The following ZNF540 variants were observed in gnomAD, a reference collection of about 807,000 sequenced individuals.
ZNF540 encodes the protein CTD-3064H18.6.
In ZNF540, 3 loss-of-function variants were observed where a neutral mutation model predicts 11.8. The observed-to-expected ratio is 0.25, with a 90% CI of 0.12 to 0.65. The LOEUF is 0.65. Among genes scored for constraint, ZNF540 ranks in the 30% least tolerant of loss-of-function variants. The pLI is 0.83. For missense variants in ZNF540, 709 were observed against 793.1 expected (o/e 0.89, Z 1.27); for synonymous variants, 247 against 259.0 (o/e 0.95, Z 0.45).
chr19:37,562,079 A>G (rs1447717503), intron 1 of ZNF540, among the ~76,000 whole-genome samples: 1 of 152,198 alleles, frequency 6.6e-6, no homozygotes, highest in Non-Finnish European at 1.5e-5. Context: ...AGTGGGCTGC[A>G]ATGTTCATTA....
In ZNF540 at chr19:37,564,999, T is replaced by C. The variant is rs2042797781; in HGVS notation, c.-73+13334T>C. 5 of 1,613,940 alleles carry C rather than the reference T, an allele frequency of 3.1e-6. No homozygotes were observed. The East Asian group carries it at 8.9e-5, about 29-fold the overall frequency. On this transcript the variant is annotated intron_variant, in intron 1 of 4. Transcript: ENST00000592533. ...CGTACAAAGGTCTTCCCACATTCCTTACATTCATAATGTTTCTCACCATGA... is the reference window on the plus strand; with the variant it reads ...CGTACAAAGGTCTTCCCACATTCCTCACATTCATAATGTTTCTCACCATGA...
Position 37,552,441 on chromosome 19 carries a change from A to T in ZNF540, c.-73+776A>T, listed in dbSNP as rs138056369. Among the ~76,000 whole-genome samples, 53 of 152,288 alleles carry T rather than the reference A, an allele frequency of 3.5e-4. 1 individual carries two copies. The East Asian group carries it at 8.3e-3, about 24-fold the overall frequency. On this transcript the variant is annotated intron_variant, in intron 1 of 4. Transcript: ENST00000592533. ...TTTATAGATTTTCTATATACTTTTA[A>T]AAGTTAATGAGAGAACAGTATTAAA...
At chr19:37,566,565 A>G (rs1267074182) in intron 1 of ZNF540, 8 of 296,088 alleles carry the variant, frequency 2.7e-5, no homozygotes, top group Non-Finnish European at 4.4e-5. Context: ...ATAAAATAGT[A>G]ATAAAAACAC....
At chr19:37,564,817 C>G (rs1010538034) in intron 1 of ZNF540, 3 of 1,613,822 alleles carry the variant, frequency 1.9e-6, no homozygotes, top group Non-Finnish European at 2.5e-6. Context: ...GAATAAAAGC[C>G]TTCCCACACT....
upstream of ZNF540, chr19:37,594,062 C>T (rs1486024861): frequency 1.3e-5 from 2 of 152,158 alleles, no homozygotes; most frequent in Middle Eastern, 6.8e-3. Context: ...TCGGAGCAGA[C>T]GAAACAATTT....
chr19:37,597,243 T>C (rs1317466710), intron 1 of ZNF540, among the ~76,000 whole-genome samples: 4 of 151,744 alleles, frequency 2.6e-5, no homozygotes, highest in Non-Finnish European at 5.9e-5. Flanking sequence ...GGAGGGTGAA[T>C]GATGTCCTGC....
chr19:37,594,183 C>A (rs1439231723), upstream of ZNF540: 1 of 152,264 alleles, frequency 6.6e-6, no homozygotes, highest in African/African-American at 2.4e-5. Context: ...AGGGGTAAAG[C>A]CTCACCATCA....
rs769334963 is a variant in ZNF540 at position 37,612,116 on chromosome 19, G to T, written c.836G>T (p.Gly279Val). The part of the protein sequence containing the change: ...KPYMCKKCDK[G>V]FFSRLELTQH... ...TATATGTGTAAGAAATGTGATAAGG[G>T]TTTTTTTAGTAGATTAGAACTTACT... Residue 279 changes from glycine to valine, a missense_variant, in exon 5 of 5, where the codon GGT becomes GTT. Transcript: ENST00000316433. 1.6e-5 allele frequency: 26 copies of T among 1,611,488 alleles called. No homozygotes were observed. In the South Asian group the frequency reaches 2.6e-4, roughly 16 times the overall value.
intron 1 of ZNF540, among the ~76,000 whole-genome samples, chr19:37,570,816 T>TAAAAACAAAGG (rs1246730642): frequency 1.3e-5 from 2 of 152,230 alleles, no homozygotes; most frequent in Admixed American, 1.3e-4. Context: ...GCATTCATAG[T>TAAAAACAAAGG]AAAAACAAAG....
At chr19:37,584,289 A>AC (rs1373260705) in intron 1 of ZNF540, 3 of 621,718 alleles carry the variant, frequency 4.8e-6, no homozygotes, top group Non-Finnish European at 7.9e-6. Context: ...GTACAATAGA[A>AC]CAATTCCATT....
At chr19:37,562,427 A>G (rs899515016) in intron 1 of ZNF540, 9 of 152,152 alleles carry the variant, frequency 5.9e-5, no homozygotes, top group Middle Eastern at 3.2e-3. Context: ...AAGACAAGAG[A>G]TAACACTGCA....
chr19:37,559,022 T>G (rs1555713776), intron 1 of ZNF540, among the ~76,000 whole-genome samples: 1 of 152,160 alleles, frequency 6.6e-6, no homozygotes, highest in Non-Finnish European at 1.5e-5. Flanking sequence ...TTTTGTATTG[T>G]TTATAGAAAT....
At chr19:37,579,596 C>G (rs2043375179) in intron 1 of ZNF540, among the ~76,000 whole-genome samples, 1 of 152,144 alleles carries the variant, frequency 6.6e-6, no homozygotes, top group Non-Finnish European at 1.5e-5. Flanking sequence ...TTAAGATGGC[C>G]TGATCTAGTA....
At chr19:37,563,636 AAT>A (rs1444421562) in intron 1 of ZNF540, 1 of 151,304 alleles carries the variant, frequency 6.6e-6, no homozygotes, top group African/African-American at 2.4e-5. Context: ...ACATATGTGG[AAT>A]ATATACACAC....
chr19:37,556,894 G>A (rs757957913), intron 1 of ZNF540, among the ~76,000 whole-genome samples: 2 of 152,142 alleles, frequency 1.3e-5, no homozygotes, highest in African/African-American at 2.4e-5. Context: ...TGGTTCATGC[G>A]TTCTACCTGC....
Position 37,612,310 on chromosome 19 carries a change from C to T in ZNF540, c.1030C>T (p.Arg344Cys), listed in dbSNP as rs755842916. ...KAFSVCGQLT[R>C]HQKIHTGVKP... Reference sequence around the variant, plus strand: ...TTTTAGTGTATGCGGACAACTTACCCGTCATCAGAAAATTCATACTGGTGT... The same window carrying T: ...TTTTAGTGTATGCGGACAACTTACCTGTCATCAGAAAATTCATACTGGTGT... Residue 344 changes from arginine (R) to cysteine (C), a missense_variant, in exon 5 of 5, where the codon CGT becomes TGT. By Grantham distance (180) the Arg-to-Cys change is radical. Transcript: ENST00000316433. The T allele has an allele frequency of 1.4e-5, 22 of 1,613,780 alleles. No individual in the cohort carries two copies. Among genetic ancestry groups the T allele is most frequent in the Admixed American group, 1.7e-5 (1 of 59,984 alleles).
At chr19:37,582,337 C>A (rs961735406) in intron 1 of ZNF540, among the ~76,000 whole-genome samples, 6 of 152,210 alleles carry the variant, frequency 3.9e-5, no homozygotes, top group African/African-American at 1.4e-4. Flanking sequence ...CATTATCTCT[C>A]TCAGCTAACT....
rs2044145341 is a variant in ZNF540, at chr19:37,613,012, C to T, written c.1732C>T (p.Pro578Ser). 1 of 1,613,956 alleles carries T rather than the reference C, an allele frequency of 6.2e-7. No individual in the cohort carries two copies. The highest frequency in any genetic ancestry group is 1.7e-5 in the Admixed American group (1 of 59,992). The change falls in exon 5 of 5, where the codon CCA becomes TCA. Residue 578 changes from proline (P) to serine (S), a missense_variant. Transcript: ENST00000316433. ...EHQKIHTGVK[P>S]YKCKECGKAF... ...TCAGAAAATTCATACGGGTGTAAAA[C>T]CATACAAATGTAAAGAATGTGGGAA...
intron 1 of ZNF540, chr19:37,555,525 A>T (rs1443815519): frequency 4.8e-6 from 1 of 209,058 alleles, no homozygotes; most frequent in African/African-American, 2.3e-5. Flanking sequence ...CCAGTTGAAC[A>T]TGCTTTGATA....
Sources: gnomAD v4.1 joint callset for allele counts (sites outside exome capture counted in the v4.1 genomes callset) on GRCh38, gnomAD v4.1.1 for gene constraint, MANE v1.5 for transcripts, NCBI Gene and HGNC (gene_info 2026-07-23, HGNC 2026-07-21) for gene names.